Variants in POGZ observed in about 807,000 individuals in gnomAD.
The protein encoded by POGZ is pogo transposable element derived with ZNF domain.
In POGZ, 17 loss-of-function variants were observed where a neutral mutation model predicts 134.6. The observed-to-expected ratio is 0.13, with a 90% confidence interval of 0.09 to 0.19. The LOEUF (loss-of-function observed/expected upper bound fraction) is 0.19. Ranked by LOEUF, POGZ falls within the 10% of genes least tolerant of loss-of-function variation. The pLI, the probability that POGZ is intolerant of heterozygous loss-of-function variation, is 1.00. For missense variants in POGZ, 1,306 were observed against 1,769.7 expected (o/e 0.74, Z 4.70); for synonymous variants, 693 against 657.1 (o/e 1.05, Z -0.84).
intron 3 of POGZ, among the ~76,000 whole-genome samples, chr1:151,431,355 TAA>T (rs1215384113): frequency 1.3e-5 from 2 of 152,344 alleles, no homozygotes; most frequent in East Asian, 1.9e-4. Context: ...CAAAATATGT[TAA>T]GTCTTTTTCC....
rs753752964 is a variant in POGZ, at chr1:151,405,056, T to G, written c.3979A>C (p.Ser1327Arg). The change falls in exon 19 of 19, where the codon AGT becomes CGT. Residue 1327 changes from serine (S) to arginine (R), a missense_variant. Around this residue, in one of 10 missense-constraint regions of POGZ, gnomAD observed 107 missense variants for 97.9 expected, o/e 1.09. Transcript: ENST00000271715. The surrounding 1 kb of genome is among the most constrained non-coding windows in gnomAD (Gnocchi z 4.9). ...ELVQRSFLVASVLPGPDGNIN... is the reference protein window; with the variant it reads ...ELVQRSFLVARVLPGPDGNIN... ...TTGCCATCGGGGCCAGGCAGAACACTAGCCACCAGGAAGGAGCGCTGAACT... is the reference window on the plus strand; with the variant it reads ...TTGCCATCGGGGCCAGGCAGAACACGAGCCACCAGGAAGGAGCGCTGAACT... The G allele has an allele frequency of 3.1e-6, 5 of 1,614,050 alleles. No individual in the cohort carries two copies. The African/African-American group carries it at 5.3e-5, about 17-fold the overall frequency.
chr1:151,403,982 G>C lies in POGZ; in HGVS notation c.*820C>G. 1.0e-6 allele frequency: 1 copy of C among 985,396 alleles called. No individual in the cohort carries two copies. The allele number at this position is 985,396 out of a possible 1,614,324, so 61.0% of individuals were successfully genotyped here. A position where few individuals can be genotyped will look rare whatever the true frequency, so the allele number is the denominator to read the frequency against. Reference sequence around the variant, plus strand: ...GTATGATCCTTTGTCCAGAGGGATGGATGGTGTTGAGAATGGGGAAAGGGG... The same window carrying C: ...GTATGATCCTTTGTCCAGAGGGATGCATGGTGTTGAGAATGGGGAAAGGGG... On this transcript the variant is annotated 3_prime_UTR_variant, in exon 19 of 19. Coordinates refer to ENST00000271715, the MANE Select transcript of POGZ (RefSeq NM_015100.4).
chr1:151,407,367 C>T (rs910775180), intron 15 of POGZ, 76 bp from the exon 16 acceptor site: 1 of 969,278 alleles, frequency 1.0e-6, no homozygotes, highest in Non-Finnish European at 1.6e-6. Flanking sequence ...AGTGACAATG[C>T]CCCCAACAAA....
chr1:151,407,216 C>T lies in POGZ; in HGVS notation c.2432+19G>A, dbSNP rs746981793. 26 of 1,555,202 alleles carry T rather than the reference C, an allele frequency of 1.7e-5. No homozygotes were observed. Among genetic ancestry groups the T allele is most frequent in the Non-Finnish European group, 2.3e-5 (26 of 1,135,804 alleles). The stretch of plus-strand genomic sequence containing the variant: ...AAAAACCTGAAAAATTAAGATGCTG[C>T]CAATAAGTTTTTTCTTACCTCACAG... On this transcript the variant is annotated intron_variant, in intron 16 of 18. Coordinates refer to ENST00000271715, the MANE Select transcript of POGZ (RefSeq NM_015100.4).
At chr1:151,453,874 C>T (rs754111171) in intron 1 of POGZ, among the ~76,000 whole-genome samples, 1 of 152,136 alleles carries the variant, frequency 6.6e-6, no homozygotes, top group Admixed American at 6.6e-5. Context: ...AAAAACAGAC[C>T]TTTTAAAACA....
At chr1:151,443,321 A>G (rs1660818274) in intron 1 of POGZ, among the ~76,000 whole-genome samples, 1 of 152,146 alleles carries the variant, frequency 6.6e-6, no homozygotes. Context: ...CGTCTAGTCT[A>G]GGAAATCCTG....
At chr1:151,432,370 C>T (rs1658838906) in intron 3 of POGZ, among the ~76,000 whole-genome samples, 1 of 152,044 alleles carries the variant, frequency 6.6e-6, no homozygotes, top group South Asian at 2.1e-4. Flanking sequence ...ACTAATGGGC[C>T]AGCAGTGGCT....
intron 1 of POGZ, among the ~76,000 whole-genome samples, chr1:151,455,582 TGTA>T (rs1379576048): frequency 1.3e-5 from 2 of 152,246 alleles, no homozygotes; most frequent in Non-Finnish European, 2.9e-5. Flanking sequence ...ATTTTTAAAA[TGTA>T]GTATTTATCA....
Position 151,403,632 on chromosome 1 carries a change from T to C in POGZ, c.*1170A>G. ...GCTGGCAGTGAAAAATAAAGATTCATGTCATTTTCTTTGTGCACACCCCTG... is the reference window on the plus strand; with the variant it reads ...GCTGGCAGTGAAAAATAAAGATTCACGTCATTTTCTTTGTGCACACCCCTG... On this transcript the variant is annotated 3_prime_UTR_variant, in exon 19 of 19. Coordinates refer to ENST00000271715, the MANE Select transcript of POGZ (RefSeq NM_015100.4). 1 of 985,748 alleles carries C rather than the reference T, an allele frequency of 1.0e-6. No individual in the cohort carries two copies. Among genetic ancestry groups the C allele is most frequent in the Non-Finnish European group, 1.2e-6 (1 of 829,820 alleles). 61.1% of individuals were successfully genotyped at this position (985,748 alleles called of 1,614,324 possible).
At chr1:151,441,519 G>A (rs1660521962) in intron 2 of POGZ, among the ~76,000 whole-genome samples, 1 of 152,106 alleles carries the variant, frequency 6.6e-6, no homozygotes. Context: ...AGAGCAACTG[G>A]TACAATTTAG....
chr1:151,441,885 T>C (rs1660591447), intron 2 of POGZ, among the ~76,000 whole-genome samples, 196 bp downstream of exon 2: 3 of 152,200 alleles, frequency 2.0e-5, no homozygotes, highest in Non-Finnish European at 4.4e-5. Context: ...GAATTAAATA[T>C]ATAGTTTCTA....
intron 10 of POGZ, among the ~76,000 whole-genome samples, chr1:151,416,983 C>A (rs1268840222): frequency 6.6e-6 from 1 of 151,942 alleles, no homozygotes; most frequent in African/African-American, 2.4e-5. Flanking sequence ...TAATGATCCA[C>A]TGATATTCTG....
chr1:151,422,905 T>C (rs1304007149), intron 10 of POGZ, among the ~76,000 whole-genome samples: 1 of 152,162 alleles, frequency 6.6e-6, no homozygotes, highest in Non-Finnish European at 1.5e-5. Context: ...TTATCTTTTA[T>C]CCTACTTAAT....
intron 10 of POGZ, among the ~76,000 whole-genome samples, chr1:151,418,367 T>C (rs1242870333): frequency 1.3e-5 from 2 of 151,854 alleles, no homozygotes; most frequent in Non-Finnish European, 1.5e-5. Context: ...TTCCCACTCA[T>C]ATGTGGGAGC....
At chr1:151,409,493 G>A (rs866279897) in intron 12 of POGZ, among the ~76,000 whole-genome samples, 4 of 152,098 alleles carry the variant, frequency 2.6e-5, no homozygotes, top group African/African-American at 7.2e-5. Context: ...GTGCCACCAC[G>A]CCCGGCTACT....
At chr1:151,455,894 CTTTTTTT>C (rs768038263) in intron 1 of POGZ, among the ~76,000 whole-genome samples, 1,178 of 117,562 alleles carry the variant, frequency 0.01, 43 homozygotes, top group Admixed American at 0.081. Context: ...TAGTTTCTTT[CTTTTTTT>C]TTTTTTTTTT....
chr1:151,404,579 A>T lies in POGZ; in HGVS notation c.*223T>A. 8.2e-7 allele frequency: 1 copy of T among 1,222,058 alleles called. No homozygotes were observed. The highest frequency in any genetic ancestry group is 1.0e-6 in the Non-Finnish European group (1 of 980,100). The allele number at this position is 1,222,058 out of a possible 1,614,324, so 75.7% of individuals were successfully genotyped here. A position where few individuals can be genotyped will look rare whatever the true frequency, so the allele number is the denominator to read the frequency against. On this transcript the variant is annotated 3_prime_UTR_variant, in exon 19 of 19. Coordinates refer to ENST00000271715, the MANE Select transcript of POGZ (RefSeq NM_015100.4). ...AACCTGTTTTTAGCAGAAGTGAATG[A>T]CCAATGGGCCAGCTCCTTGGCTCAG...
At chr1:151,425,340 C>T (rs971637131) in intron 7 of POGZ, 11 of 274,510 alleles carry the variant, frequency 4.0e-5, no homozygotes, top group African/African-American at 2.0e-4. Context: ...ACTGTTCTAA[C>T]TCTAGGCCAG....
chr1:151,411,873 A>G, intron 11 of POGZ, 102 bp from the exon 12 acceptor site: 1 of 989,878 alleles, frequency 1.0e-6, no homozygotes, highest in Non-Finnish European at 1.4e-6. Flanking sequence ...AAAAAAAAAA[A>G]GTTTTCTCAA....
Sources: gnomAD v4.1 joint callset for allele counts (sites outside exome capture counted in the v4.1 genomes callset) on GRCh38, gnomAD v4.1.1 for gene constraint, gnomAD v4.1.1 regional missense constraint, Gnocchi (gnomAD v3.1) non-coding constraint, MANE v1.5 for transcripts, NCBI Gene and HGNC (gene_info 2026-07-23, HGNC 2026-07-21) for gene names.